Variants in GARNL3 observed in about 807,000 individuals in gnomAD.
GARNL3 encodes the protein GTPase activating Rap/RanGAP domain like 3, also known as GTPase-activating Rap/Ran-GAP domain-like protein 3.
Under a neutral mutation model 125.0 loss-of-function variants are expected in GARNL3, and 63 were observed. The observed-to-expected ratio is 0.50, with a 90% CI of 0.41 to 0.62. The LOEUF (loss-of-function observed/expected upper bound fraction) is 0.62. Among genes scored for constraint, GARNL3 ranks in the 20% least tolerant of loss-of-function variants. The probability of loss-of-function intolerance (pLI) is 0.00; values close to 1 mark genes in which losing one functional copy is unlikely to be tolerated. For missense variants in GARNL3, 994 were observed against 1,244.0 expected (o/e 0.80, Z 3.02); for synonymous variants, 439 against 457.5 (o/e 0.96, Z 0.52).
Position 127,345,452 on chromosome 9 carries a change from C to A in GARNL3, c.1406C>A (p.Ala469Glu). The change falls in exon 16 of 28, where the codon GCA (alanine) becomes GAA (glutamate). Residue 469 changes from alanine to glutamate, a missense_variant. By Grantham distance (107) the Ala-to-Glu change is moderately radical. Around this residue, in one of 5 missense-constraint regions of GARNL3, gnomAD observed 728 missense variants for 865.7 expected, o/e 0.84. Transcript: ENST00000373387. ...AGAGGGGATGCTCCATCAAGCTTGG[C>A]AGCTTCAGGGATCTGTAAAAAAGAG... ...IVRGDAPSSL[A>E]ASGICKKEPW... 6.2e-7 allele frequency: 1 copy of A among 1,607,216 alleles called. No homozygotes were observed. Among genetic ancestry groups the A allele is most frequent in the South Asian group, 1.1e-5 (1 of 89,866 alleles).
chr9:127,385,140 T>C lies in GARNL3; in HGVS notation c.2383T>C (p.Ser795Pro), dbSNP rs760473978. ...CGTGCCGCAGCTGCAGCTGGTGGCC[T>C]CCAGGGTGAGTAGGACTGGGATTTT... The part of the protein sequence containing the change: ...AVVPQLQLVA[S>P]RSDIYFTATA... The change falls in exon 24 of 28, where the codon TCC becomes CCC. Residue 795 changes from serine to proline, a missense_variant. By Grantham distance (74) the Ser-to-Pro change is moderately conservative. Transcript: ENST00000373387. The surrounding 1 kb of genome is among the most constrained non-coding windows in gnomAD (Gnocchi z 4.1). The C allele has an allele frequency of 1.9e-6, 3 of 1,597,404 alleles. No individual in the cohort carries two copies. Among genetic ancestry groups the C allele is most frequent in the African/African-American group, 2.7e-5 (2 of 74,578 alleles).
chr9:127,370,313 C>T (rs994892070), intron 22 of GARNL3, among the ~76,000 whole-genome samples: 7 of 152,102 alleles, frequency 4.6e-5, no homozygotes, highest in African/African-American at 1.2e-4. Flanking sequence ...CTCTCTCCCA[C>T]GGAAGTGGGA....
chr9:127,339,706 G>C lies in GARNL3; in HGVS notation c.1090G>C (p.Val364Leu). The change falls in exon 13 of 28, where the codon GTG (valine) becomes CTG (leucine). Residue 364 changes from valine (V) to leucine (L), a missense_variant. By Grantham distance (32) the Val-to-Leu change is conservative. This residue lies in a region of GARNL3 where 728 missense variants were observed against 865.7 expected (regional missense o/e 0.84). Coordinates refer to ENST00000373387, the MANE Select transcript of GARNL3 (RefSeq NM_032293.5). ...LFGPPLPTPP[V>L]FTDHQEFRDF... ...TGGCCCTCCCTTGCCAACTCCACCA[G>C]TGTTTACAGACCACCAGGAATTCAG... 1 of 1,613,916 alleles carries C rather than the reference G, an allele frequency of 6.2e-7. No homozygotes were observed. Among genetic ancestry groups the C allele is most frequent in the South Asian group, 1.1e-5 (1 of 91,072 alleles).
chr9:127,341,281 A>G (rs954304684), intron 13 of GARNL3, among the ~76,000 whole-genome samples: 1 of 152,230 alleles, frequency 6.6e-6, no homozygotes, highest in Non-Finnish European at 1.5e-5. Flanking sequence ...TCCCAAACTC[A>G]GATGCCTGGA....
intron 1 of GARNL3, chr9:127,243,068 T>G: frequency 7.4e-7 from 1 of 1,348,106 alleles, no homozygotes; most frequent in African/African-American, 1.5e-5. Context: ...TTCCCAACTC[T>G]TCTGTTTCAG....
intron 2 of GARNL3, among the ~76,000 whole-genome samples, chr9:127,244,741 C>T (rs2063265909): frequency 1.3e-5 from 2 of 152,176 alleles, no homozygotes; most frequent in South Asian, 4.1e-4. Flanking sequence ...CAGTTTGGAA[C>T]GTAAACGGGT....
At chr9:127,366,475 G>C (rs1289047980) in intron 22 of GARNL3, among the ~76,000 whole-genome samples, 1 of 152,188 alleles carries the variant, frequency 6.6e-6, no homozygotes, top group African/African-American at 2.4e-5. Flanking sequence ...CTGCTGCCCT[G>C]CATCCCCAGG....
intron 1 of GARNL3, among the ~76,000 whole-genome samples, chr9:127,236,332 A>G (rs973568501): frequency 2.6e-5 from 4 of 152,228 alleles, no homozygotes; most frequent in Non-Finnish European, 5.9e-5. Flanking sequence ...TTTTGAATAT[A>G]ATTTTTGGGA....
chr9:127,236,450 G>A (rs2063113803), intron 1 of GARNL3, among the ~76,000 whole-genome samples: 1 of 152,214 alleles, frequency 6.6e-6, no homozygotes, highest in Non-Finnish European at 1.5e-5. Flanking sequence ...TTAGTGTGCT[G>A]TTAGAAATAG....
intron 1 of GARNL3, among the ~76,000 whole-genome samples, chr9:127,290,317 T>C (rs557571603): frequency 1.3e-5 from 2 of 152,348 alleles, no homozygotes; most frequent in African/African-American, 4.8e-5. Context: ...ATCGTATCTC[T>C]TAAGCACTAG....
chr9:127,226,221 A>G (rs977621278), intron 1 of GARNL3, among the ~76,000 whole-genome samples: 2 of 152,164 alleles, frequency 1.3e-5, no homozygotes, highest in Non-Finnish European at 2.9e-5. Context: ...AGTGGGGGAC[A>G]GAGAGAGAGA....
At position 127,384,638 on chromosome 9, in the gene GARNL3, GA is replaced by G. The variant is rs1335260331; in HGVS notation, c.2270-387del. ...CTGGGCCTTGAAGAGCGACCAAAGG[GA>G]AGGGTCCCAGGCAGGATGGCCTGGG... is the stretch of plus-strand genomic sequence containing the variant. On this transcript the variant is annotated intron_variant, in intron 23 of 27. Transcript: ENST00000373387. The surrounding 1 kb of genome is among the most constrained non-coding windows in gnomAD (Gnocchi z 4.0). Among the ~76,000 whole-genome samples, 2 of 152,194 alleles carry G rather than the reference GA, an allele frequency of 1.3e-5. No individual in the cohort carries two copies. Among genetic ancestry groups the G allele is most frequent in the Admixed American group, 6.5e-5 (1 of 15,288 alleles).
At chr9:127,307,911 G>T (rs1371774305) in intron 2 of GARNL3, among the ~76,000 whole-genome samples, 1 of 152,200 alleles carries the variant, frequency 6.6e-6, no homozygotes, top group East Asian at 1.9e-4. Flanking sequence ...GTGGAGTCTG[G>T]CTGAGGCCAG....
At chr9:127,300,724 G>A in intron 2 of GARNL3, 1 of 334,512 alleles carries the variant, frequency 3.0e-6, no homozygotes, top group South Asian at 2.5e-5. Flanking sequence ...CAAAGTGCTG[G>A]GATTACAGGC....
At chr9:127,338,983 A>G (rs1829703971) in intron 12 of GARNL3, among the ~76,000 whole-genome samples, 2 of 152,116 alleles carry the variant, frequency 1.3e-5, no homozygotes, top group Admixed American at 1.3e-4. Flanking sequence ...ATAAAGACAT[A>G]CCCAAGACTG....
At chr9:127,275,781 T>C (rs1229216176) in intron 1 of GARNL3, among the ~76,000 whole-genome samples, 2 of 152,234 alleles carry the variant, frequency 1.3e-5, no homozygotes, top group African/African-American at 4.8e-5. Flanking sequence ...ATTTTACACA[T>C]GTAATTAAAG....
At chr9:127,225,598 C>G (rs2062894117) in intron 1 of GARNL3, among the ~76,000 whole-genome samples, 1 of 151,606 alleles carries the variant, frequency 6.6e-6, no homozygotes. Flanking sequence ...GGTGCAGGGA[C>G]GGGTGTCGGG....
Position 127,331,334 on chromosome 9 carries a change from C to CA in GARNL3, c.595-931dup, listed in dbSNP as rs374772757. On this transcript the variant is annotated intron_variant, in intron 7 of 27. Coordinates refer to ENST00000373387, the MANE Select transcript of GARNL3 (RefSeq NM_032293.5). Reference sequence around the variant, plus strand: ...TGAAACCCCATCTCTACTAAAAATACAAAAAAAAATTAGCCAGGCATGGTG... The same window carrying CA: ...TGAAACCCCATCTCTACTAAAAATACAAAAAAAAAATTAGCCAGGCATGGTG... 4.5e-3 allele frequency among the ~76,000 whole-genome samples: 677 copies of CA among 150,296 alleles called. 5 individuals carry two copies. The highest frequency in any genetic ancestry group is 0.016 in the African/African-American group (646 of 41,046).
At chr9:127,390,866 C>G in intron 27 of GARNL3, 99 bp downstream of exon 27, 1 of 1,244,008 alleles carries the variant, frequency 8.0e-7, no homozygotes. Context: ...CACTAGTGGC[C>G]CCTGGCAGCT....
Sources: allele counts gnomAD v4.1 joint callset (sites outside exome capture counted in the v4.1 genomes callset), GRCh38; gene constraint gnomAD v4.1.1; regional missense constraint gnomAD v4.1.1; non-coding constraint Gnocchi (gnomAD v3.1); transcripts MANE v1.5; gene names NCBI Gene and HGNC (gene_info 2026-07-23, HGNC 2026-07-21).